The following CHRNE variants were observed in gnomAD, a reference collection of about 807,000 sequenced individuals.
The protein encoded by CHRNE is cholinergic receptor nicotinic epsilon subunit, also known as acetylcholine receptor subunit epsilon.
In CHRNE, 58 loss-of-function variants were observed where a neutral mutation model predicts 56.5. The observed-to-expected ratio is 1.03, with a 90% CI of 0.83 to 1.28. The LOEUF (loss-of-function observed/expected upper bound fraction) is 1.28. CHRNE is among the 50% of genes most tolerant of loss of function. The probability of loss-of-function intolerance (pLI) is 0.00; values close to 1 mark genes in which losing one functional copy is unlikely to be tolerated. For synonymous variants in CHRNE, 385 were observed against 297.9 expected (o/e 1.29, Z -3.01); for missense variants, 793 against 688.9 (o/e 1.15, Z -1.69).
intron 8 of CHRNE, chr17:4,900,435 G>C (rs939311285): frequency 1.3e-6 from 2 of 1,550,822 alleles, no homozygotes; most frequent in African/African-American, 1.4e-5. Flanking sequence ...GTGTGGACGG[G>C]GTCTGCAGGG....
At chr17:4,900,320 A>G in intron 8 of CHRNE, 1 of 1,545,426 alleles carries the variant, frequency 6.5e-7, no homozygotes, top group East Asian at 2.4e-5. Context: ...ATCCGGGTGC[A>G]GCGCTGAGCC....
Position 4,902,905 on chromosome 17 carries a change from TG to T in CHRNE, c.46+112del. 1.3e-6 allele frequency: 2 copies of T among 1,584,776 alleles called. No individual in the cohort carries two copies. The highest frequency in any genetic ancestry group is 1.7e-6 in the Non-Finnish European group (2 of 1,154,124). Reference sequence around the variant, plus strand: ...TCTCCTAAACCAATTATGCTGTGCCTGGGAACGAAATACTGTGTCTAAGTCT... The same window carrying T: ...TCTCCTAAACCAATTATGCTGTGCCTGGAACGAAATACTGTGTCTAAGTCT... On this transcript the variant is annotated intron_variant, in intron 1 of 11. Transcript: ENST00000649488. The surrounding 1 kb of genome is among the most constrained non-coding windows in gnomAD (Gnocchi z 4.0).
At position 4,902,975 on chromosome 17, in the gene CHRNE, G is replaced by A. The variant is rs538589071; in HGVS notation, c.46+43C>T. ...TTGTCTTCCCAGTCCCTTCATGTCAGTATCTGTGTGTGTCCAATTGCCCCT... is the reference window on the plus strand; with the variant it reads ...TTGTCTTCCCAGTCCCTTCATGTCAATATCTGTGTGTGTCCAATTGCCCCT... On this transcript the variant is annotated intron_variant, in intron 1 of 11. Transcript: ENST00000649488. This position sits in a 1 kb window ranked among gnomAD's most constrained non-coding sequence, Gnocchi z 4.0. 6.2e-7 allele frequency: 1 copy of A among 1,612,182 alleles called. No homozygotes were observed. Among genetic ancestry groups the A allele is most frequent in the East Asian group, 2.2e-5 (1 of 44,868 alleles).
rs1202671636 is a variant in CHRNE at position 4,902,567 on chromosome 17, G to A, written c.189+54C>T. ...AGTGAGCTTTAGGACAGAGCTCAGCGGTTGGGGCCAGAAGTGGGATTTTTG... is the reference window on the plus strand; with the variant it reads ...AGTGAGCTTTAGGACAGAGCTCAGCAGTTGGGGCCAGAAGTGGGATTTTTG... On this transcript the variant is annotated intron_variant, in intron 2 of 11. Coordinates refer to ENST00000649488, the MANE Select transcript of CHRNE (RefSeq NM_000080.4). The surrounding 1 kb of genome is among the most constrained non-coding windows in gnomAD (Gnocchi z 4.0). 2.2e-5 allele frequency: 36 copies of A among 1,613,966 alleles called. No individual in the cohort carries two copies. Among genetic ancestry groups the A allele is most frequent in the South Asian group, 1.4e-4 (13 of 91,082 alleles).
At chr17:4,901,892 C>CCT in intron 5 of CHRNE, 40 bp downstream of exon 5, 1 of 1,606,672 alleles carries the variant, frequency 6.2e-7, no homozygotes, top group Non-Finnish European at 8.5e-7. Context: ...AGGCCCCCCC[C>CCT]CAACAATAAT....
intron 8 of CHRNE, chr17:4,900,094 G>A (rs1444512165): frequency 3.9e-6 from 6 of 1,550,850 alleles, no homozygotes; most frequent in Admixed American, 3.9e-5. Context: ...TGGGGCTGGT[G>A]TTGAGAGAAG....
At position 4,902,018 on chromosome 17, in the gene CHRNE, C is replaced by T; in HGVS notation, c.414G>A (p.Trp138Ter). The change falls in exon 5 of 12, where the codon TGG becomes TGA. Residue 138 changes from tryptophan to a stop codon, truncating the protein, a stop_gained. Coordinates refer to ENST00000649488, the MANE Select transcript of CHRNE (RefSeq NM_000080.4). LOFTEE classifies it high-confidence loss of function. The surrounding 1 kb of genome is among the most constrained non-coding windows in gnomAD (Gnocchi z 4.0). ...VLVYEGGSVTWLPPAIYRSVC... is the reference protein window; with the variant it reads ...VLVYEGGSVT ...CGCTGCGGTAGATGGCCGGAGGCAG[C>T]CACGTCACGGAGCCGCCCTCGTAGA... 1.9e-6 allele frequency: 3 copies of T among 1,614,124 alleles called. No homozygotes were observed. Among genetic ancestry groups the T allele is most frequent in the Non-Finnish European group, 2.5e-6 (3 of 1,180,052 alleles).
chr17:4,901,813 C>G, intron 5 of CHRNE, 119 bp downstream of exon 5: 1 of 1,462,194 alleles, frequency 6.8e-7, no homozygotes, highest in Non-Finnish European at 9.5e-7. Flanking sequence ...CCAGTGCCTA[C>G]GCCTGGCTCC....
At chr17:4,903,657 A>AC (rs1347336924), upstream of CHRNE, among the ~76,000 whole-genome samples, 2 of 151,858 alleles carry the variant, frequency 1.3e-5, no homozygotes, top group Non-Finnish European at 2.9e-5. Context: ...TAAAGGACCC[A>AC]CCTCCTTCCA....
chr17:4,908,601 G>A (rs1278908348), intron 1 of CHRNE, among the ~76,000 whole-genome samples: 2 of 152,198 alleles, frequency 1.3e-5, no homozygotes. Flanking sequence ...GCACAGGCCT[G>A]CTAGCCAGGG....
At chr17:4,900,206 C>T (rs527357533) in intron 8 of CHRNE, 39 of 1,543,590 alleles carry the variant, frequency 2.5e-5, no homozygotes, top group Admixed American at 5.9e-5. Context: ...GGACCTCTGC[C>T]TCCCCGCTAA....
upstream of CHRNE, among the ~76,000 whole-genome samples, chr17:4,905,374 C>A (rs1464924665): frequency 6.6e-6 from 1 of 151,858 alleles, no homozygotes; most frequent in Non-Finnish European, 1.5e-5. Context: ...CACAGTGAGA[C>A]CCCCCATCTC....
In CHRNE at chr17:4,900,876, G is replaced by A. The variant is rs996197218; in HGVS notation, c.834C>T (p.Asn278=). 1.4e-5 allele frequency: 22 copies of A among 1,614,206 alleles called. No individual in the cohort carries two copies. Among genetic ancestry groups the A allele is most frequent in the Non-Finnish European group, 1.7e-5 (20 of 1,180,000 alleles). The change falls in exon 8 of 12, where the codon AAC becomes AAT. Residue 278 remains asparagine, a synonymous_variant. Coordinates refer to ENST00000649488, the MANE Select transcript of CHRNE (RefSeq NM_000080.4). Reference sequence around the variant, plus strand: ...AGAAGACGGTCTGGGCGAGCAGGACGTTGATGGAGACCGTGCATTTCTGGC... The same window carrying A: ...AGAAGACGGTCTGGGCGAGCAGGACATTGATGGAGACCGTGCATTTCTGGC... ...AGGQKCTVSI[N]VLLAQTVFLF...
intron 1 of CHRNE, among the ~76,000 whole-genome samples, chr17:4,908,663 C>T (rs1970118936): frequency 6.6e-6 from 1 of 151,906 alleles, no homozygotes; most frequent in Non-Finnish European, 1.5e-5. Flanking sequence ...GAATGGGCTG[C>T]CTGACAATTC....
chr17:4,899,101 A>C lies in CHRNE; in HGVS notation c.1226T>G (p.Phe409Cys), dbSNP rs757212314. Reference sequence around the variant, plus strand: ...GGCGGCGGCGCCCAGGCTCTGGCAGAAGGCAGCTGGCGGGGAAAACACCGG... The same window carrying C: ...GGCGGCGGCGCCCAGGCTCTGGCAGCAGGCAGCTGGCGGGGAAAACACCGG... The part of the protein sequence containing the change: ...RHRQGTWTAA[F>C]CQSLGAAAPE... The change falls in exon 11 of 12, where the codon TTC (phenylalanine) becomes TGC (cysteine). Residue 409 changes from phenylalanine to cysteine, a missense_variant. Transcript: ENST00000649488. 23 of 1,608,016 alleles carry C rather than the reference A, an allele frequency of 1.4e-5. No homozygotes were observed. The highest frequency in any genetic ancestry group is 1.7e-5 in the Non-Finnish European group (20 of 1,178,560).
Position 4,902,680 on chromosome 17 carries a change from CCCGCACTGGCCGGCTT to C in CHRNE, c.114_129del (p.Arg40LeufsTer13). 2 of 1,613,798 alleles carry C rather than the reference CCCGCACTGGCCGGCTT, an allele frequency of 1.2e-6. No homozygotes were observed. The highest frequency in any genetic ancestry group is 1.7e-6 in the Non-Finnish European group (2 of 1,179,930). ...CTGATGGTGACAGTATCCTCAGGCTCCCGCACTGGCCGGCTTCCTGGGTCATAGTTGTTGAAGAGAT... is the reference window on the plus strand; with the variant it reads ...CTGATGGTGACAGTATCCTCAGGCTCCCTGGGTCATAGTTGTTGAAGAGAT... On this transcript the variant is annotated frameshift_variant, in exon 2 of 12. Coordinates refer to ENST00000649488, the MANE Select transcript of CHRNE (RefSeq NM_000080.4). LOFTEE classifies it high-confidence loss of function. The surrounding 1 kb of genome is among the most constrained non-coding windows in gnomAD (Gnocchi z 4.0).
rs367815306 is a variant in CHRNE, at chr17:4,902,936, C to T, written c.46+82G>A. ...CGAAATACTGTGTCTAAGTCTCCATCTTGGTCTCTGTCTTTGTCTTCCCAG... is the reference window on the plus strand; with the variant it reads ...CGAAATACTGTGTCTAAGTCTCCATTTTGGTCTCTGTCTTTGTCTTCCCAG... On this transcript the variant is annotated intron_variant, in intron 1 of 11. Coordinates refer to ENST00000649488, the MANE Select transcript of CHRNE (RefSeq NM_000080.4). The surrounding 1 kb of genome is among the most constrained non-coding windows in gnomAD (Gnocchi z 4.0). 4.4e-6 allele frequency: 7 copies of T among 1,598,668 alleles called. No homozygotes were observed. The Admixed American group carries it at 5.0e-5, about 11-fold the overall frequency.
chr17:4,899,794 T>G (rs1969901439), intron 8 of CHRNE: 1 of 1,551,226 alleles, frequency 6.4e-7, no homozygotes, highest in Middle Eastern at 1.7e-4. Context: ...CTGGACACCC[T>G]GATGTGGATC....
In CHRNE at chr17:4,902,311, G is replaced by C. The variant is rs121909513; in HGVS notation, c.250C>G (p.Arg84Gly). The C allele has an allele frequency of 6.2e-6, 10 of 1,614,158 alleles. No homozygotes were observed. The Admixed American group carries it at 1.5e-4, about 24-fold the overall frequency. The change falls in exon 4 of 12, where the codon CGA becomes GGA. Residue 84 changes from arginine to glycine, a missense_variant. Transcript: ENST00000649488. This position sits in a 1 kb window ranked among gnomAD's most constrained non-coding sequence, Gnocchi z 4.0. ...AAGTCGTCCTTGCTGTAGTTGAGTC[G>C]GTAATCCTGCCAATCCTAAGGGGTG... ...VWIGIDWQDY[R>G]LNYSKDDFGG... is the part of the protein sequence containing the mutation.
Sources: gnomAD v4.1 joint callset for allele counts (sites outside exome capture counted in the v4.1 genomes callset) on GRCh38, gnomAD v4.1.1 for gene constraint, Gnocchi (gnomAD v3.1) non-coding constraint, MANE v1.5 for transcripts, NCBI Gene and HGNC (gene_info 2026-07-23, HGNC 2026-07-21) for gene names.